Variants in COBL observed in about 807,000 individuals in gnomAD.
The protein encoded by COBL is protein cordon-bleu.
In COBL, 51 loss-of-function variants were observed where a neutral mutation model predicts 98.8. That is an observed-to-expected ratio of 0.52 (90% CI 0.41 to 0.65). The LOEUF (loss-of-function observed/expected upper bound fraction) is 0.65. Among genes scored for constraint, COBL ranks in the 30% least tolerant of loss-of-function variants. The pLI is 0.00. For missense variants in COBL, 1,617 were observed against 1,617.5 expected, an observed-to-expected ratio of 1.00 and a Z score of 0.01; for synonymous variants, 634 against 651.7, an observed-to-expected ratio of 0.97 and a Z score of 0.41.
intron 6 of COBL, among the ~76,000 whole-genome samples, chr7:51,127,817 G>A (rs1798366774): frequency 6.6e-6 from 1 of 152,190 alleles, no homozygotes; most frequent in Non-Finnish European, 1.5e-5. Context: ...ACAGAACAAT[G>A]TGCCATTGAG....
intron 5 of COBL, among the ~76,000 whole-genome samples, chr7:51,140,738 G>C (rs1044181620): frequency 3.3e-5 from 5 of 152,202 alleles, no homozygotes; most frequent in Non-Finnish European, 5.9e-5. Flanking sequence ...GTGCCCCATA[G>C]AACCTGATAG....
intron 4 of COBL, among the ~76,000 whole-genome samples, chr7:51,187,205 C>T (rs1326361406): frequency 6.6e-6 from 1 of 151,576 alleles, no homozygotes; most frequent in African/African-American, 2.4e-5. Context: ...ACTCAGTGAC[C>T]AGAACAAGGC....
Position 51,290,332 on chromosome 7 carries a change from T to C in COBL, c.41+26261A>G, listed in dbSNP as rs147657025. Among the ~76,000 whole-genome samples, 51 of 152,320 alleles carry C rather than the reference T, an allele frequency of 3.3e-4. 1 individual carries two copies. The highest frequency in any genetic ancestry group is 1.1e-3 in the African/African-American group (47 of 41,568). On this transcript the variant is annotated intron_variant, in intron 1 of 12. Coordinates refer to ENST00000265136, the MANE Select transcript of COBL (RefSeq NM_015198.5). Reference sequence around the variant, plus strand: ...TCTGACTGCTAATCATTGGGGAACATGGATTCTGAAGGAACAGGCAAACTA... The same window carrying C: ...TCTGACTGCTAATCATTGGGGAACACGGATTCTGAAGGAACAGGCAAACTA...
intron 2 of COBL, among the ~76,000 whole-genome samples, chr7:51,200,793 T>G (rs896434664): frequency 6.6e-6 from 1 of 152,066 alleles, no homozygotes; most frequent in Non-Finnish European, 1.5e-5. Flanking sequence ...TATTTGAAAT[T>G]CAAATGTACT....
chr7:51,240,808 G>A (rs1442802249), intron 1 of COBL, among the ~76,000 whole-genome samples: 1 of 152,178 alleles, frequency 6.6e-6, no homozygotes, highest in Non-Finnish European at 1.5e-5. Context: ...TTCCCAAAAT[G>A]CTGGGATTAC....
chr7:51,188,072 G>A, intron 4 of COBL: 6 of 845,036 alleles, frequency 7.1e-6, no homozygotes, highest in Non-Finnish European at 9.4e-6. Context: ...CTGCAGCAGT[G>A]AGAAGGTCTC....
intron 1 of COBL, among the ~76,000 whole-genome samples, chr7:51,302,524 T>C (rs2129204836): frequency 6.8e-6 from 1 of 146,338 alleles, no homozygotes; most frequent in South Asian, 2.2e-4. Flanking sequence ...GAGGTTGTGG[T>C]GAGCCGATAT....
chr7:51,113,444 T>G (rs1278198672), intron 6 of COBL, among the ~76,000 whole-genome samples: 1 of 152,188 alleles, frequency 6.6e-6, no homozygotes, highest in East Asian at 1.9e-4. Context: ...TCCAATAATA[T>G]TCTATCCTCT....
intron 7 of COBL, among the ~76,000 whole-genome samples, chr7:51,074,690 T>C (rs1792891315): frequency 6.6e-6 from 1 of 152,196 alleles, no homozygotes; most frequent in Non-Finnish European, 1.5e-5. Flanking sequence ...TGAGCACTCA[T>C]GAAAATCAAA....
chr7:51,195,902 G>A (rs940837101), intron 2 of COBL, among the ~76,000 whole-genome samples: 15 of 152,136 alleles, frequency 9.9e-5, no homozygotes, highest in African/African-American at 3.6e-4. Flanking sequence ...TTAGGGCCAA[G>A]ACTATAGGGT....
intron 6 of COBL, among the ~76,000 whole-genome samples, chr7:51,098,906 C>T (rs1795552808): frequency 6.6e-6 from 1 of 151,970 alleles, no homozygotes; most frequent in Admixed American, 6.5e-5. Flanking sequence ...ATCAAGTCAA[C>T]AATGACAATA....
intron 2 of COBL, among the ~76,000 whole-genome samples, chr7:51,199,076 C>A (rs1433761522): frequency 6.6e-6 from 1 of 152,152 alleles, no homozygotes; most frequent in African/African-American, 2.4e-5. Flanking sequence ...GGGGCCATAC[C>A]CAACCTATCC....
At chr7:51,038,882 G>A (rs1678212765) in intron 8 of COBL, among the ~76,000 whole-genome samples, 1 of 152,222 alleles carries the variant, frequency 6.6e-6, no homozygotes, top group Admixed American at 6.5e-5. Context: ...CAGAGGGGAT[G>A]GAGAGGGCTC....
chr7:51,046,037 A>G (rs1010237657), intron 7 of COBL, among the ~76,000 whole-genome samples: 1 of 150,080 alleles, frequency 6.7e-6, no homozygotes, highest in Non-Finnish European at 1.5e-5. Flanking sequence ...GACACCATTC[A>G]TGCCATTGGT....
At chr7:51,233,925 C>T (rs1794998548) in intron 1 of COBL, among the ~76,000 whole-genome samples, 1 of 152,218 alleles carries the variant, frequency 6.6e-6, no homozygotes, top group Non-Finnish European at 1.5e-5. Context: ...AATCACCTTA[C>T]AATCTTATTT....
intron 6 of COBL, among the ~76,000 whole-genome samples, chr7:51,100,092 G>A (rs1795681029): frequency 6.6e-6 from 1 of 152,102 alleles, no homozygotes; most frequent in Admixed American, 6.5e-5. Context: ...AACACTGAAA[G>A]CCATAACACC....
At chr7:51,130,504 A>T (rs1798641712) in intron 6 of COBL, among the ~76,000 whole-genome samples, 1 of 152,218 alleles carries the variant, frequency 6.6e-6, no homozygotes, top group Non-Finnish European at 1.5e-5. Context: ...TCAACACCAC[A>T]GCTCACAGAG....
At chr7:51,071,541 G>C (rs1219745576) in intron 7 of COBL, 1 of 152,104 alleles carries the variant, frequency 6.6e-6, no homozygotes, top group Admixed American at 6.6e-5. Flanking sequence ...AGCTGACTTA[G>C]CCCTATTGCA....
chr7:51,296,971 G>C (rs1314255886), intron 1 of COBL, among the ~76,000 whole-genome samples: 1 of 152,148 alleles, frequency 6.6e-6, no homozygotes, highest in Admixed American at 6.5e-5. Context: ...GTGTAATACT[G>C]AATGATGAAT....
Sources: allele counts gnomAD v4.1 joint callset (sites outside exome capture counted in the v4.1 genomes callset), GRCh38; gene constraint gnomAD v4.1.1; transcripts MANE v1.5; gene names NCBI Gene and HGNC (gene_info 2026-07-23, HGNC 2026-07-21).